TENM2: variants seen among roughly 807,000 people sequenced by gnomAD.
TENM2 encodes the protein teneurin transmembrane protein 2, also known as teneurin-2.
A neutral mutation model predicts 245.2 loss-of-function variants in TENM2; 52 were observed. The observed-to-expected ratio is 0.21, with a 90% CI of 0.17 to 0.27. The LOEUF is 0.27. Among genes scored for constraint, TENM2 ranks in the 10% least tolerant of loss-of-function variants. The probability of loss-of-function intolerance (pLI) is 1.00; values close to 1 mark genes in which losing one functional copy is unlikely to be tolerated. For synonymous variants in TENM2, 1,363 were observed against 1,438.9 expected, an observed-to-expected ratio of 0.95 and a Z score of 1.19; for missense variants, 3,046 against 3,666.8, an observed-to-expected ratio of 0.83 and a Z score of 4.37.
At chr5:167,255,907 A>AT in the TENM2 span, among the ~76,000 whole-genome samples, 5 of 151,516 alleles carry the variant, frequency 3.3e-5, no homozygotes, top group South Asian at 4.2e-4. Context: ...CATGCTACCA[A>AT]TTTTTTTTTC....
In TENM2 at chr5:167,523,497, C is replaced by T. The variant is rs181488267; in HGVS notation, c.502+148024C>T. 2.5e-3 allele frequency among the ~76,000 whole-genome samples: 376 copies of T among 152,166 alleles called. 1 individual carries two copies. Among genetic ancestry groups the T allele is most frequent in the African/African-American group, 8.7e-3 (360 of 41,548 alleles). ...CAACGTCAAATATCAGGGGATTTTA[C>T]ACATAAATGTGTAGACACAATCTGG... is the stretch of plus-strand genomic sequence containing the variant. On this transcript the variant is annotated intron_variant, in intron 2 of 28. Transcript: ENST00000518659.
chr5:167,632,668 TCACG>T (rs1421311380), intron 2 of TENM2, among the ~76,000 whole-genome samples: 1 of 151,992 alleles, frequency 6.6e-6, no homozygotes, highest in Non-Finnish European at 1.5e-5. Flanking sequence ...CTAGGAAAAT[TCACG>T]CACACACACC....
At chr5:167,790,947 A>T (rs995874048) in intron 2 of TENM2, among the ~76,000 whole-genome samples, 2 of 152,316 alleles carry the variant, frequency 1.3e-5, no homozygotes, top group African/African-American at 4.8e-5. Flanking sequence ...CCTTATTTGT[A>T]ATCCAGTGAA....
intron 3 of TENM2, among the ~76,000 whole-genome samples, chr5:167,877,272 G>C (rs1773504612): frequency 6.6e-6 from 1 of 152,172 alleles, no homozygotes; most frequent in South Asian, 2.1e-4. Context: ...TACAATTAGA[G>C]AGGACCTCCC....
intron 2 of TENM2, among the ~76,000 whole-genome samples, chr5:167,451,529 A>C (rs1765582404): frequency 6.6e-6 from 1 of 152,234 alleles, no homozygotes; most frequent in South Asian, 2.1e-4. Flanking sequence ...AGAATAGTCC[A>C]GGCCGCATTC....
the TENM2 span, among the ~76,000 whole-genome samples, chr5:167,162,153 C>T: frequency 3.4e-5 from 5 of 148,258 alleles, no homozygotes; most frequent in Non-Finnish European, 7.4e-5. Flanking sequence ...GCCTGGGTGA[C>T]AGAGCAAGAC....
At chr5:167,103,845 G>GA in the TENM2 span, among the ~76,000 whole-genome samples, 178 of 143,782 alleles carry the variant, frequency 1.2e-3, 1 homozygote, top group Non-Finnish European at 1.9e-3. Context: ...TAGCAATACT[G>GA]AAAAAAAAAA....
the TENM2 span, among the ~76,000 whole-genome samples, chr5:167,078,932 C>T: frequency 1.3e-5 from 2 of 151,960 alleles, no homozygotes; most frequent in Non-Finnish European, 1.5e-5. Flanking sequence ...TGTTAGACAG[C>T]GATATCACAA....
chr5:167,242,110 C>T, the TENM2 span, among the ~76,000 whole-genome samples: 2 of 148,138 alleles, frequency 1.4e-5, no homozygotes, highest in African/African-American at 5.0e-5. Context: ...AGTGCAGTGG[C>T]ATGATCTCAG....
At chr5:168,106,345 T>C (rs1794239750) in intron 9 of TENM2, among the ~76,000 whole-genome samples, 2 of 31,326 alleles carry the variant, frequency 6.4e-5, no homozygotes, top group South Asian at 1.7e-3. Flanking sequence ...TAAAAACAAA[T>C]CATCATCATC....
At chr5:167,056,613 ATAT>A in the TENM2 span, among the ~76,000 whole-genome samples, 61 of 146,694 alleles carry the variant, frequency 4.2e-4, no homozygotes, top group African/African-American at 1.5e-3. Context: ...ATCTATATAA[ATAT>A]ATCTATATAA....
At chr5:167,382,409 A>AATGGGAACCAGCGAGTCAGAAACAAAC (rs1761145406) in intron 2 of TENM2, among the ~76,000 whole-genome samples, 1 of 152,198 alleles carries the variant, frequency 6.6e-6, no homozygotes, top group Non-Finnish European at 1.5e-5. Context: ...CTAATGCTGA[A>AATGGGAACCAGCGAGTCAGAAACAAAC]ATGGGAACCA....
At chr5:167,907,806 A>G (rs1488847292) in intron 3 of TENM2, among the ~76,000 whole-genome samples, 4 of 151,944 alleles carry the variant, frequency 2.6e-5, no homozygotes, top group Non-Finnish European at 4.4e-5. Flanking sequence ...TGTCTCTGGC[A>G]GCCCCACCAC....
chr5:167,525,342 T>A (rs1267606589), intron 2 of TENM2, among the ~76,000 whole-genome samples: 1 of 152,160 alleles, frequency 6.6e-6, no homozygotes. Context: ...TGTCAGTCTT[T>A]TTGAAAGGTC....
intron 2 of TENM2, among the ~76,000 whole-genome samples, chr5:167,493,886 G>A (rs1417176252): frequency 6.6e-6 from 1 of 152,074 alleles, no homozygotes; most frequent in African/African-American, 2.4e-5. Context: ...AAATAGGGTG[G>A]TAGGCATAAA....
chr5:167,577,143 C>G (rs1250622800), intron 2 of TENM2, among the ~76,000 whole-genome samples: 3 of 152,100 alleles, frequency 2.0e-5, no homozygotes, highest in African/African-American at 7.2e-5. Context: ...CAGACAGGAA[C>G]TGATGCAATT....
chr5:167,480,580 C>G (rs897837331), intron 2 of TENM2, among the ~76,000 whole-genome samples: 1 of 152,190 alleles, frequency 6.6e-6, no homozygotes, highest in Admixed American at 6.6e-5. Flanking sequence ...GCCTGGAAAT[C>G]TGCATTTTGA....
At chr5:167,123,093 T>C in the TENM2 span, among the ~76,000 whole-genome samples, 1 of 147,368 alleles carries the variant, frequency 6.8e-6, no homozygotes, top group Non-Finnish European at 1.5e-5. Context: ...GGATCAGGAG[T>C]TCAAGGCCAG....
the TENM2 span, among the ~76,000 whole-genome samples, chr5:167,276,823 T>C: frequency 6.6e-6 from 1 of 152,156 alleles, no homozygotes; most frequent in Non-Finnish European, 1.5e-5. Flanking sequence ...GGTTATTTTT[T>C]ATTTTTCCCA....
Sources: allele counts gnomAD v4.1 joint callset (sites outside exome capture counted in the v4.1 genomes callset), GRCh38; gene constraint gnomAD v4.1.1; transcripts MANE v1.5; gene names NCBI Gene and HGNC (gene_info 2026-07-23, HGNC 2026-07-21).